DNAH12: variants seen among roughly 807,000 people sequenced by gnomAD.
DNAH12 encodes the protein dynein axonemal heavy chain 12.
DNAH12 carries 285 observed loss-of-function variants against 371.5 expected under a neutral mutation model. That is an observed-to-expected ratio of 0.77 (90% CI 0.70 to 0.85). The LOEUF (loss-of-function observed/expected upper bound fraction) is 0.85. Ranked by LOEUF, DNAH12 falls within the 40% of genes least tolerant of loss-of-function variation. The pLI, the probability that DNAH12 is intolerant of heterozygous loss-of-function variation, is 0.00. For missense variants in DNAH12, 3,611 were observed against 3,689.4 expected (o/e 0.98, Z 0.55); for synonymous variants, 1,200 against 1,213.0 (o/e 0.99, Z 0.22).
intron 12 of DNAH12, among the ~76,000 whole-genome samples, chr3:57,484,148 A>C (rs776110957): frequency 1.3e-5 from 2 of 151,920 alleles, no homozygotes; most frequent in Non-Finnish European, 2.9e-5. Context: ...AATGAATGCA[A>C]AGGGTCTAGC....
Position 57,400,783 on chromosome 3 carries a change from T to C in DNAH12, c.6948+2526A>G, listed in dbSNP as rs2063840546. On this transcript the variant is annotated intron_variant, in intron 43 of 73. Transcript: ENST00000495027. ...CTACCATAATAGTAAGAGACTTGAA[T>C]ACCCCACTTTCAATAATGGATAGAA... Among the ~76,000 whole-genome samples, 6 of 152,284 alleles carry C rather than the reference T, an allele frequency of 3.9e-5. No homozygotes were observed. The South Asian group carries it at 1.2e-3, about 32-fold the overall frequency.
chr3:57,554,491 T>C, the DNAH12 span, among the ~76,000 whole-genome samples: 3 of 152,150 alleles, frequency 2.0e-5, no homozygotes, highest in African/African-American at 7.2e-5. Flanking sequence ...TGGCTTAGAA[T>C]GCACTACACA....
At chr3:57,501,613 T>C (rs2067549596) in intron 10 of DNAH12, among the ~76,000 whole-genome samples, 1 of 152,052 alleles carries the variant, frequency 6.6e-6, no homozygotes, top group Non-Finnish European at 1.5e-5. Context: ...AAAACAAAGG[T>C]ATTAGAGTAT....
chr3:57,396,290 C>CAAAAAAAAAAAAAAAAAA (rs1159748997), intron 43 of DNAH12, among the ~76,000 whole-genome samples: 1 of 68,652 alleles, frequency 1.5e-5, no homozygotes, highest in Non-Finnish European at 2.7e-5. Context: ...AAAAAAAAAA[C>CAAAAAAAAAAAAAAAAAA]AAAAAAAAAA....
At chr3:57,393,723 G>C (rs1328785684) in intron 44 of DNAH12, among the ~76,000 whole-genome samples, 3 of 149,888 alleles carry the variant, frequency 2.0e-5, no homozygotes, top group Admixed American at 6.6e-5. Flanking sequence ...CGTCACCATT[G>C]TATTTTTTGT....
intron 4 of DNAH12, among the ~76,000 whole-genome samples, chr3:57,511,220 A>G (rs2067986193): frequency 6.6e-6 from 1 of 152,168 alleles, no homozygotes; most frequent in Admixed American, 6.6e-5. Flanking sequence ...CATTTTCTCA[A>G]GGCAAAATGA....
chr3:57,528,533 C>T lies in DNAH12; in HGVS notation c.171-4649G>A, dbSNP rs1364189629. ...CTGAGGTCAGGAGTTTGAGACCAGC[C>T]TGACCAACATGGAGAAACCCCATCT... On this transcript the variant is annotated intron_variant, in intron 2 of 73. Coordinates refer to ENST00000495027, the MANE Select transcript of DNAH12 (RefSeq NM_001366028.2). 2.7e-5 allele frequency among the ~76,000 whole-genome samples: 4 copies of T among 148,744 alleles called. No individual in the cohort carries two copies. The East Asian group carries it at 6.5e-4, about 24-fold the overall frequency.
At chr3:57,437,935 TCAA>T (rs200100611) in intron 29 of DNAH12, among the ~76,000 whole-genome samples, 1,653 of 152,266 alleles carry the variant, frequency 0.011, 22 homozygotes, top group Middle Eastern at 0.02. Context: ...CTGACTTAGG[TCAA>T]CACTCAACTG....
At chr3:57,481,823 G>C (rs112197241) in intron 13 of DNAH12, among the ~76,000 whole-genome samples, 33,672 of 150,312 alleles carry the variant, frequency 0.22, 4,360 homozygotes, top group African/African-American at 0.38. Context: ...AATGGGGAAA[G>C]GATTCCCTAT....
chr3:57,363,847 T>G (rs2062990673), intron 57 of DNAH12, 61 bp from the exon 58 acceptor site: 1 of 152,176 alleles, frequency 6.6e-6, no homozygotes, highest in African/African-American at 2.4e-5. Flanking sequence ...TATATCTAAG[T>G]GTTACATATC....
intron 29 of DNAH12, among the ~76,000 whole-genome samples, chr3:57,437,309 A>G (rs2065159100): frequency 6.6e-6 from 1 of 152,214 alleles, no homozygotes; most frequent in Non-Finnish European, 1.5e-5. Flanking sequence ...ATGCTGCATG[A>G]AAATAACTCC....
chr3:57,476,348 A>G (rs1040079155), intron 13 of DNAH12, among the ~76,000 whole-genome samples: 1 of 152,038 alleles, frequency 6.6e-6, no homozygotes, highest in African/African-American at 2.4e-5. Flanking sequence ...GGCAGATCAT[A>G]AAGTCAGGAG....
Position 57,508,456 on chromosome 3 carries a change from T to C in DNAH12, c.627A>G (p.Pro209=). ...QIFSNLHIIH[P]TMKMLLDLGY... ...CAAGGTCCAGTAACATTTTCATAGT[T>C]GGATGAATAATGTGCAAATTAGAGA... Residue 209 remains proline (P), a synonymous_variant, in exon 7 of 74, where the codon CCA becomes CCG. Transcript: ENST00000495027. The C allele has an allele frequency of 6.2e-7, 1 of 1,613,250 alleles. No individual in the cohort carries two copies.
chr3:57,508,568 A>G, intron 6 of DNAH12, 28 bp from the exon 7 acceptor site: 1 of 1,594,862 alleles, frequency 6.3e-7, no homozygotes, highest in Non-Finnish European at 8.5e-7. Flanking sequence ...CATATCAAAC[A>G]TGATGAAAAT....
intron 62 of DNAH12, among the ~76,000 whole-genome samples, chr3:57,326,980 T>G (rs1186502368): frequency 1.3e-5 from 2 of 151,940 alleles, no homozygotes; most frequent in Non-Finnish European, 2.9e-5. Context: ...TACATAATGG[T>G]AAAGGGATCA....
intron 12 of DNAH12, among the ~76,000 whole-genome samples, chr3:57,485,559 G>A (rs868702083): frequency 3.3e-5 from 5 of 149,630 alleles, no homozygotes; most frequent in Middle Eastern, 3.4e-3. Flanking sequence ...GTGCCACCAC[G>A]TCTGGCTAAT....
intron 33 of DNAH12, among the ~76,000 whole-genome samples, chr3:57,429,387 G>C (rs1456349206): frequency 1.3e-5 from 2 of 152,080 alleles, no homozygotes; most frequent in African/African-American, 4.8e-5. Context: ...TGTTGGTCAG[G>C]CTGGTCTTGA....
chr3:57,419,921 T>A (rs1027312191), intron 36 of DNAH12, among the ~76,000 whole-genome samples: 1 of 152,230 alleles, frequency 6.6e-6, no homozygotes, highest in Non-Finnish European at 1.5e-5. Flanking sequence ...GCCACTCTAA[T>A]GTACTTCAAG....
chr3:57,396,436 T>G (rs1428258404), intron 43 of DNAH12, among the ~76,000 whole-genome samples: 29 of 152,154 alleles, frequency 1.9e-4, no homozygotes, highest in African/African-American at 7.0e-4. Context: ...CTTGCTCTGT[T>G]GACTGGGCTG....
Sources: allele counts gnomAD v4.1 joint callset (sites outside exome capture counted in the v4.1 genomes callset), GRCh38; gene constraint gnomAD v4.1.1; transcripts MANE v1.5; gene names NCBI Gene and HGNC (gene_info 2026-07-23, HGNC 2026-07-21).